Variants in USP25 observed in about 807,000 individuals in gnomAD.
The protein encoded by USP25 is ubiquitin carboxyl-terminal hydrolase 25.
A neutral mutation model predicts 158.5 loss-of-function variants in USP25; 85 were observed. The ratio of observed to expected loss-of-function variants is 0.54; its 90% CI spans 0.45 to 0.64. USP25 has a LOEUF of 0.64. Among genes scored for constraint, USP25 ranks in the 30% least tolerant of loss-of-function variants. USP25 has a pLI of 0.00. For synonymous variants in USP25, 464 were observed against 460.4 expected, an observed-to-expected ratio of 1.01 and a Z score of -0.10; for missense variants, 1,242 against 1,327.3, an observed-to-expected ratio of 0.94 and a Z score of 1.00.
chr21:15,836,178 A>G (rs554471476), intron 17 of USP25, among the ~76,000 whole-genome samples: 1 of 152,320 alleles, frequency 6.6e-6, no homozygotes, highest in South Asian at 2.1e-4. Flanking sequence ...ATCCAACAGA[A>G]TGATTTTTTT....
intron 1 of USP25, among the ~76,000 whole-genome samples, chr21:15,755,152 GTT>G (rs879626976): frequency 6.8e-6 from 1 of 146,352 alleles, no homozygotes; most frequent in African/African-American, 2.5e-5. Flanking sequence ...GTTTCTATCA[GTT>G]TTTTTTTTTT....
intron 1 of USP25, among the ~76,000 whole-genome samples, 155 bp from the exon 2 acceptor site, chr21:15,762,733 AGTT>A (rs1285577267): frequency 6.6e-6 from 1 of 152,148 alleles, no homozygotes; most frequent in African/African-American, 2.4e-5. Context: ...AAAAGAATGA[AGTT>A]GTTTGGCCTT....
intron 21 of USP25, among the ~76,000 whole-genome samples, chr21:15,865,014 C>T (rs905600211): frequency 1.3e-5 from 2 of 151,944 alleles, no homozygotes; most frequent in Non-Finnish European, 1.5e-5. Flanking sequence ...ATTAGATTCA[C>T]GCAGACATAT....
intron 4 of USP25, among the ~76,000 whole-genome samples, chr21:15,784,572 C>CA (rs913685680): frequency 5.8e-4 from 80 of 136,792 alleles, no homozygotes; most frequent in East Asian, 1.7e-3. Flanking sequence ...AACTCTGTTT[C>CA]AAAAAAAAAA....
intron 24 of USP25, 142 bp from the exon 25 acceptor site, chr21:15,877,654 T>G: frequency 9.8e-6 from 6 of 613,542 alleles, no homozygotes; most frequent in Non-Finnish European, 1.1e-5. Context: ...CTAGATAGGT[T>G]GAGATTGTTT....
At chr21:15,833,278 G>T in intron 16 of USP25, 70 bp from the exon 17 acceptor site, 1 of 1,384,310 alleles carries the variant, frequency 7.2e-7, no homozygotes. Flanking sequence ...TTGAAATGCA[G>T]TCTATTTTGA....
chr21:15,863,397 T>C (rs925989468), intron 20 of USP25, among the ~76,000 whole-genome samples: 2 of 152,186 alleles, frequency 1.3e-5, no homozygotes, highest in African/African-American at 2.4e-5. Flanking sequence ...ATACTTCTTT[T>C]TGTGATAATT....
At chr21:15,878,017 A>C (rs746428330) in intron 25 of USP25, 26 bp downstream of exon 25, 54 of 1,561,788 alleles carry the variant, frequency 3.5e-5, no homozygotes, top group Middle Eastern at 3.4e-4. Context: ...GGTAGTAGGC[A>C]CCTGAGATGT....
intron 1 of USP25, among the ~76,000 whole-genome samples, chr21:15,732,840 T>G (rs1463345178): frequency 6.6e-6 from 1 of 152,170 alleles, no homozygotes; most frequent in East Asian, 1.9e-4. Context: ...CAATGTAGTA[T>G]GATGAGGCAA....
At chr21:15,813,077 CTG>C (rs2036754289) in intron 9 of USP25, among the ~76,000 whole-genome samples, 1 of 150,734 alleles carries the variant, frequency 6.6e-6, no homozygotes, top group Non-Finnish European at 1.5e-5. Flanking sequence ...TTCATCTTTT[CTG>C]TGTCTGTACT....
At chr21:15,752,176 GC>G (rs1444635501) in intron 1 of USP25, among the ~76,000 whole-genome samples, 1 of 151,792 alleles carries the variant, frequency 6.6e-6, no homozygotes, top group Non-Finnish European at 1.5e-5. Context: ...CAGGTGATCT[GC>G]CTGCCTCGGC....
At chr21:15,846,987 C>T (rs2038650635) in intron 18 of USP25, among the ~76,000 whole-genome samples, 1 of 152,056 alleles carries the variant, frequency 6.6e-6, no homozygotes. Flanking sequence ...GTATCAGCTT[C>T]CAACAGCTTT....
At chr21:15,790,914 C>A (rs1256268463) in intron 4 of USP25, among the ~76,000 whole-genome samples, 1 of 151,766 alleles carries the variant, frequency 6.6e-6, no homozygotes, top group African/African-American at 2.4e-5. Flanking sequence ...ATATTTATTT[C>A]ATTAAATTTT....
At position 15,877,871 on chromosome 21, in the gene USP25, A is replaced by T; in HGVS notation, c.3085A>T (p.Asn1029Tyr). 1 of 1,613,472 alleles carries T rather than the reference A, an allele frequency of 6.2e-7. No individual in the cohort carries two copies. The highest frequency in any genetic ancestry group is 8.5e-7 in the Non-Finnish European group (1 of 1,179,628). ...REVNNGLIIMNEFIVPFLPLL... is the reference protein window; with the variant it reads ...REVNNGLIIMYEFIVPFLPLL... ...AGTAAACAATGGTTTGATTATCATG[A>T]ATGAGTTTATTGTCCCATTTTTGCC... The change falls in exon 25 of 26, where the codon AAT becomes TAT. Residue 1029 changes from asparagine to tyrosine, a missense_variant. By Grantham distance (143) the Asn-to-Tyr change is moderately radical (BLOSUM62 -2). This residue lies in a region of USP25 where 608 missense variants were observed against 605.2 expected (regional missense o/e 1.00). Coordinates refer to ENST00000400183, the MANE Select transcript of USP25 (RefSeq NM_001283041.3).
At chr21:15,773,744 A>G (rs139829762) in intron 3 of USP25, among the ~76,000 whole-genome samples, 102 of 152,342 alleles carry the variant, frequency 6.7e-4, no homozygotes, top group African/African-American at 2.4e-3. Context: ...CATAAAATTT[A>G]CTATTTTAGA....
chr21:15,798,542 T>C (rs1475608917), intron 5 of USP25, among the ~76,000 whole-genome samples: 2 of 151,402 alleles, frequency 1.3e-5, no homozygotes, highest in East Asian at 3.9e-4. Flanking sequence ...ACTTCTACTC[T>C]TACTGTTTTA....
chr21:15,817,087 A>G (rs1184758751), intron 9 of USP25, among the ~76,000 whole-genome samples: 1 of 151,402 alleles, frequency 6.6e-6, no homozygotes, highest in Non-Finnish European at 1.5e-5. Flanking sequence ...AGCCGAGATC[A>G]CACCACTGAG....
rs997884853 is a variant in USP25, at chr21:15,766,405, T to G, written c.268+264T>G. ...AAATATGGAATAGCTGCAGATATATTCATAAAAGGAAGAACTAGAATTTTT... is the reference window on the plus strand; with the variant it reads ...AAATATGGAATAGCTGCAGATATATGCATAAAAGGAAGAACTAGAATTTTT... On this transcript the variant is annotated intron_variant, in intron 3 of 25. Coordinates refer to ENST00000400183, the MANE Select transcript of USP25 (RefSeq NM_001283041.3). The surrounding 1 kb of genome is among the most constrained non-coding windows in gnomAD (Gnocchi z 4.0). Among the ~76,000 whole-genome samples, 1 of 152,106 alleles carries G rather than the reference T, an allele frequency of 6.6e-6. No individual in the cohort carries two copies. The highest frequency in any genetic ancestry group is 1.9e-4 in the East Asian group (1 of 5,196).
intron 18 of USP25, 145 bp downstream of exon 18, chr21:15,842,685 GTC>G: frequency 4.4e-6 from 4 of 914,238 alleles, no homozygotes; most frequent in Non-Finnish European, 6.4e-6. Flanking sequence ...CCATGGGCAA[GTC>G]ATCTCATGCC....
Sources: gnomAD v4.1 joint callset for allele counts (sites outside exome capture counted in the v4.1 genomes callset) on GRCh38, gnomAD v4.1.1 for gene constraint, gnomAD v4.1.1 regional missense constraint, Gnocchi (gnomAD v3.1) non-coding constraint, MANE v1.5 for transcripts, NCBI Gene and HGNC (gene_info 2026-07-23, HGNC 2026-07-21) for gene names.